PDE10A: variants seen among roughly 807,000 people sequenced by gnomAD.
The protein encoded by PDE10A is phosphodiesterase 10A.
In PDE10A, 39 loss-of-function variants were observed where a neutral mutation model predicts 97.7. That is an observed-to-expected ratio of 0.40 (90% confidence interval 0.31 to 0.52). The LOEUF is 0.52. Among genes scored for constraint, PDE10A ranks in the 20% least tolerant of loss-of-function variants. The probability of loss-of-function intolerance (pLI) is 0.56; values close to 1 mark genes in which losing one functional copy is unlikely to be tolerated. For missense variants in PDE10A, 731 were observed against 1,047.8 expected (o/e 0.70, Z 4.17); for synonymous variants, 371 against 376.8 (o/e 0.98, Z 0.18).
intron 16 of PDE10A, among the ~76,000 whole-genome samples, chr6:165,392,210 A>G (rs1785774464): frequency 6.6e-6 from 1 of 152,214 alleles, no homozygotes; most frequent in Admixed American, 6.5e-5. Flanking sequence ...CAAATTAATT[A>G]AACATTTCAG....
intron 3 of PDE10A, among the ~76,000 whole-genome samples, chr6:165,457,131 A>G (rs1031234549): frequency 1.2e-4 from 19 of 152,220 alleles, no homozygotes; most frequent in Non-Finnish European, 2.2e-4. Context: ...TAAAGGAATC[A>G]ATTTCTATTT....
chr6:165,625,550 C>G (rs1788342594), intron 1 of PDE10A, among the ~76,000 whole-genome samples: 1 of 152,216 alleles, frequency 6.6e-6, no homozygotes, highest in Admixed American at 6.5e-5. Context: ...CCACCCAAAT[C>G]TCATCTTGAA....
upstream of PDE10A, among the ~76,000 whole-genome samples, chr6:165,664,713 C>T (rs908998421): frequency 6.6e-6 from 1 of 152,210 alleles, no homozygotes; most frequent in African/African-American, 2.4e-5. Context: ...GCTGCGAGTC[C>T]GGAGTTTGTG....
intron 1 of PDE10A, among the ~76,000 whole-genome samples, chr6:165,843,208 T>C (rs561899855): frequency 1.3e-5 from 2 of 152,320 alleles, no homozygotes; most frequent in South Asian, 4.1e-4. Flanking sequence ...TGCAAAGGAC[T>C]GCACAGCAAC....
chr6:165,825,162 A>T, intron 1 of PDE10A, among the ~76,000 whole-genome samples: 1 of 62,234 alleles, frequency 1.6e-5, no homozygotes, highest in Admixed American at 2.1e-4. Context: ...AAAAAAAAAA[A>T]GAAAAAGAAA....
intron 13 of PDE10A, among the ~76,000 whole-genome samples, chr6:165,407,732 A>G (rs1787323316): frequency 6.6e-6 from 1 of 152,220 alleles, no homozygotes; most frequent in South Asian, 2.1e-4. Flanking sequence ...GTTTTAAAAG[A>G]TTTATTTTTC....
At chr6:165,355,341 C>T (rs1007616530) in intron 18 of PDE10A, among the ~76,000 whole-genome samples, 4 of 152,118 alleles carry the variant, frequency 2.6e-5, no homozygotes, top group African/African-American at 9.7e-5. Context: ...ACCCAGAAAC[C>T]TCGTTTTCTA....
In PDE10A at chr6:165,656,258, T is replaced by TCTCTCTCA. The variant is rs1365414526; in HGVS notation, c.865+5688_865+5689insTGAGAGAG. 2.6e-3 allele frequency among the ~76,000 whole-genome samples: 338 copies of TCTCTCTCA among 129,890 alleles called. 3 individuals are homozygous for TCTCTCTCA. Among genetic ancestry groups the TCTCTCTCA allele is most frequent in the African/African-American group, 0.01 (322 of 32,024 alleles). 85.2% of individuals were successfully genotyped at this position (129,890 alleles called of 152,430 possible). On this transcript the variant is annotated intron_variant, in intron 1 of 21. Transcript: ENST00000539869. The stretch of plus-strand genomic sequence containing the variant: ...CCAACTCTCTCTCTCTCTCTCTCTC[T>TCTCTCTCA]CACACACACACACACACACACACAC...
intron 18 of PDE10A, among the ~76,000 whole-genome samples, chr6:165,354,771 G>C (rs1782917523): frequency 6.6e-6 from 1 of 152,154 alleles, no homozygotes; most frequent in South Asian, 2.1e-4. Flanking sequence ...AGGAACTCTA[G>C]AAAATGGTGA....
intron 1 of PDE10A, among the ~76,000 whole-genome samples, chr6:165,579,739 C>T (rs772340750): frequency 1.3e-5 from 2 of 152,146 alleles, no homozygotes; most frequent in South Asian, 2.1e-4. Flanking sequence ...TCTCACACAG[C>T]GAAGGCCAAA....
At chr6:165,604,584 C>T (rs1331928122) in intron 1 of PDE10A, among the ~76,000 whole-genome samples, 1 of 151,282 alleles carries the variant, frequency 6.6e-6, no homozygotes, top group Admixed American at 6.6e-5. Flanking sequence ...ACAAGAGTGT[C>T]CTGGATGACA....
At chr6:165,519,793 T>C (rs544887944) in intron 2 of PDE10A, among the ~76,000 whole-genome samples, 2 of 152,344 alleles carry the variant, frequency 1.3e-5, no homozygotes, top group African/African-American at 2.4e-5. Flanking sequence ...TATTTTTAAG[T>C]TGAAGTGTAG....
At chr6:165,487,354 C>T (rs776886557) in intron 2 of PDE10A, among the ~76,000 whole-genome samples, 2 of 152,128 alleles carry the variant, frequency 1.3e-5, no homozygotes, top group Admixed American at 6.5e-5. Flanking sequence ...CACTGTCTCC[C>T]GTCACCCCAG....
intron 1 of PDE10A, among the ~76,000 whole-genome samples, chr6:165,616,506 CTTTTGTGGAT>C (rs777813576): frequency 5.9e-5 from 9 of 152,048 alleles, no homozygotes; most frequent in Non-Finnish European, 8.8e-5. Context: ...GAAGGGTGAT[CTTTTGTGGAT>C]TTTTCTAAAG....
chr6:165,373,898 G>C (rs1583146234), intron 18 of PDE10A, among the ~76,000 whole-genome samples: 3 of 151,680 alleles, frequency 2.0e-5, no homozygotes, highest in Admixed American at 2.0e-4. Flanking sequence ...ATACTATGCA[G>C]CCATAAAAAA....
In PDE10A at chr6:165,663,058, C is replaced by T. The variant is rs1317400931; in HGVS notation, c.-247G>A. ...GACGGCGCCTGGCTACCCTCAGGCG[C>T]GCACAATCGGCGTCCTCCCGGGCCG... is the stretch of plus-strand genomic sequence containing the variant. On this transcript the variant is annotated 5_prime_UTR_variant, in exon 1 of 22. Coordinates refer to ENST00000539869, the MANE Select transcript of PDE10A (RefSeq NM_001385079.1). Among the ~76,000 whole-genome samples the T allele has an allele frequency of 6.6e-6, 1 of 151,074 alleles. No individual in the cohort carries two copies. The highest frequency in any genetic ancestry group is 1.5e-5 in the Non-Finnish European group (1 of 67,680).
chr6:165,680,167 G>A (rs1314886022), intron 1 of PDE10A, among the ~76,000 whole-genome samples: 1 of 152,088 alleles, frequency 6.6e-6, no homozygotes, highest in East Asian at 1.9e-4. Context: ...GTCTCTTAAG[G>A]AACTTAACAT....
intron 1 of PDE10A, among the ~76,000 whole-genome samples, chr6:165,770,238 A>G (rs1323458147): frequency 6.6e-6 from 1 of 152,070 alleles, no homozygotes; most frequent in Non-Finnish European, 1.5e-5. Context: ...ACAGTGAATC[A>G]AAAAGCATCA....
intron 1 of PDE10A, among the ~76,000 whole-genome samples, chr6:165,730,357 G>A (rs1792399465): frequency 6.6e-6 from 1 of 152,064 alleles, no homozygotes; most frequent in Admixed American, 6.5e-5. Context: ...CCTTATCCTC[G>A]GTTCCCGTGT....
Sources: gnomAD v4.1 joint callset for allele counts (sites outside exome capture counted in the v4.1 genomes callset) on GRCh38, gnomAD v4.1.1 for gene constraint, MANE v1.5 for transcripts, NCBI Gene and HGNC (gene_info 2026-07-23, HGNC 2026-07-21) for gene names.